The following DNAJC1 variants were observed in gnomAD, a reference collection of about 807,000 sequenced individuals.
DNAJC1 encodes dnaJ homolog subfamily C member 1.
A neutral mutation model predicts 76.6 loss-of-function variants in DNAJC1; 58 were observed. The observed-to-expected ratio is 0.76, with a 90% CI of 0.61 to 0.94. The LOEUF (loss-of-function observed/expected upper bound fraction) is 0.94. Among genes scored for constraint, DNAJC1 ranks in the 40% least tolerant of loss-of-function variants. The pLI, the probability that DNAJC1 is intolerant of heterozygous loss-of-function variation, is 0.00. For missense variants in DNAJC1, 689 were observed against 677.3 expected (o/e 1.02, Z -0.19); for synonymous variants, 258 against 267.9 (o/e 0.96, Z 0.36).
At chr10:21,770,258 G>A (rs1834356787) in intron 9 of DNAJC1, among the ~76,000 whole-genome samples, 1 of 152,106 alleles carries the variant, frequency 6.6e-6, no homozygotes, top group African/African-American at 2.4e-5. Flanking sequence ...ATTAATGACT[G>A]ATGCTGAGCA....
chr10:21,939,449 G>A (rs150735761), intron 1 of DNAJC1, among the ~76,000 whole-genome samples: 1 of 152,296 alleles, frequency 6.6e-6, no homozygotes, highest in African/African-American at 2.4e-5. Flanking sequence ...ATGATGGACT[G>A]CATATATGAT....
At chr10:21,878,561 G>A (rs925344751) in intron 8 of DNAJC1, among the ~76,000 whole-genome samples, 2 of 152,126 alleles carry the variant, frequency 1.3e-5, no homozygotes, top group African/African-American at 2.4e-5. Context: ...GGTAGTAAAT[G>A]ATAAAATACA....
intron 6 of DNAJC1, among the ~76,000 whole-genome samples, chr10:21,913,791 T>G (rs921500113): frequency 6.6e-6 from 1 of 152,172 alleles, no homozygotes; most frequent in Admixed American, 6.5e-5. Context: ...TCACGGGAGC[T>G]ATATTTTAAA....
intron 1 of DNAJC1, among the ~76,000 whole-genome samples, chr10:21,973,077 A>C (rs1838005192): frequency 6.6e-6 from 1 of 152,160 alleles, no homozygotes; most frequent in Non-Finnish European, 1.5e-5. Context: ...CCAGAAATGA[A>C]ATTAATAAAT....
chr10:21,958,363 G>A (rs185252122), intron 1 of DNAJC1, among the ~76,000 whole-genome samples: 1 of 151,468 alleles, frequency 6.6e-6, no homozygotes, highest in African/African-American at 2.4e-5. Flanking sequence ...GCAACATCAC[G>A]ATAATCTAGT....
At chr10:21,896,222 G>C (rs867523470) in intron 7 of DNAJC1, among the ~76,000 whole-genome samples, 21 of 152,126 alleles carry the variant, frequency 1.4e-4, no homozygotes, top group Admixed American at 3.9e-4. Context: ...CTTCAGCCTG[G>C]GAGAGCTTGC....
At chr10:21,970,686 A>G (rs1837963112) in intron 1 of DNAJC1, among the ~76,000 whole-genome samples, 1 of 152,034 alleles carries the variant, frequency 6.6e-6, no homozygotes, top group African/African-American at 2.4e-5. Flanking sequence ...AATGGAATAC[A>G]GAGTTGACTT....
intron 1 of DNAJC1, among the ~76,000 whole-genome samples, chr10:21,932,903 A>T (rs1016272787): frequency 2.0e-5 from 3 of 152,204 alleles, no homozygotes; most frequent in African/African-American, 7.2e-5. Context: ...CCTGGCCTAC[A>T]GGCAAATGTA....
rs71510915 is a variant in DNAJC1, at chr10:21,946,049, CTTTTTTTTTTTT to C, written c.223-16920_223-16909del. On this transcript the variant is annotated intron_variant, in intron 1 of 11. Transcript: ENST00000376980. ...ATAATTCAAATTCCTTTCTTTTCCT[CTTTTTTTTTTTT>C]TTTTTTTTTTGCTCTGTTGCCCAGG... Among the ~76,000 whole-genome samples the C allele has an allele frequency of 3.2e-3, 301 of 93,324 alleles. 10 individuals carry two copies. The East Asian group carries it at 0.045, about 14-fold the overall frequency. The allele number at this position is 93,324 out of a possible 152,430, so 61.2% of individuals were successfully genotyped here. A position where few individuals can be genotyped will look rare whatever the true frequency, so the allele number is the denominator to read the frequency against.
intron 1 of DNAJC1, among the ~76,000 whole-genome samples, chr10:21,989,162 C>T (rs1307394641): frequency 6.6e-6 from 1 of 152,100 alleles, no homozygotes; most frequent in East Asian, 1.9e-4. Flanking sequence ...AATAAACAAC[C>T]TGACCATAGT....
Position 22,003,362 on chromosome 10 carries a change from G to A in DNAJC1, c.73C>T (p.Pro25Ser). The change falls in exon 1 of 12, where the codon CCG (proline) becomes TCG (serine). Residue 25 changes from proline to serine, a missense_variant. Physicochemically the swap from Pro to Ser is moderately conservative, Grantham distance 74. Coordinates refer to ENST00000376980, the MANE Select transcript of DNAJC1 (RefSeq NM_022365.4). ...RQLGLVPFPP[P>S]PPRTPLLWLL... The stretch of plus-strand genomic sequence containing the variant: ...CACAGCAGCGGCGTCCGCGGCGGCG[G>A]CGGCGGGAACGGCACCAGCCCGAGC... 7.1e-7 allele frequency: 1 copy of A among 1,413,418 alleles called. No homozygotes were observed. Among genetic ancestry groups the A allele is most frequent in the Non-Finnish European group, 9.2e-7 (1 of 1,087,452 alleles). 87.6% of individuals were successfully genotyped at this position (1,413,418 alleles called of 1,614,324 possible).
At chr10:21,904,694 C>T (rs1303273782) in intron 6 of DNAJC1, 82 bp from the exon 7 acceptor site, 3 of 710,794 alleles carry the variant, frequency 4.2e-6, no homozygotes, top group Non-Finnish European at 6.5e-6. Flanking sequence ...AACTTTAAAG[C>T]ATTATATTCA....
chr10:21,894,530 G>A (rs1035967081), intron 7 of DNAJC1, among the ~76,000 whole-genome samples: 5 of 150,954 alleles, frequency 3.3e-5, no homozygotes, highest in Admixed American at 6.6e-5. Context: ...AAGATTGCAC[G>A]ATTGCACTCC....
chr10:21,783,739 A>G (rs570160530), intron 9 of DNAJC1, among the ~76,000 whole-genome samples: 41 of 152,342 alleles, frequency 2.7e-4, no homozygotes, highest in African/African-American at 9.9e-4. Context: ...GCCCTCAGAA[A>G]TAACACCACA....
chr10:21,823,277 T>G lies in DNAJC1; in HGVS notation c.979-17178A>C, dbSNP rs186235843. Among the ~76,000 whole-genome samples, 280 of 152,288 alleles carry G rather than the reference T, an allele frequency of 1.8e-3. 1 individual carries two copies. The highest frequency in any genetic ancestry group is 3.0e-3 in the Non-Finnish European group (205 of 68,038). ...GGCAGTAAATAACCAGATCTCCTTA[T>G]GACCAGTGGTATACATCTGTAAGAT... On this transcript the variant is annotated intron_variant, in intron 8 of 11. Transcript: ENST00000376980.
At chr10:21,891,476 C>CAAAAAAAAAAAAAAAAAAGAAAAAA (rs1836461421) in intron 7 of DNAJC1, among the ~76,000 whole-genome samples, 1 of 38,860 alleles carries the variant, frequency 2.6e-5, no homozygotes, top group African/African-American at 9.4e-5. Flanking sequence ...ACAAAGTAGA[C>CAAAAAAAAAAAAAAAAAAGAAAAAA]AAAAAAAAAA....
chr10:21,934,471 C>T (rs533953156), intron 1 of DNAJC1, among the ~76,000 whole-genome samples: 18 of 152,170 alleles, frequency 1.2e-4, no homozygotes, highest in Admixed American at 3.3e-4. Flanking sequence ...TGTCCTAGGC[C>T]TTCACATTCA....
At chr10:21,830,084 G>A (rs538001046) in intron 8 of DNAJC1, among the ~76,000 whole-genome samples, 146 of 152,188 alleles carry the variant, frequency 9.6e-4, no homozygotes, top group Non-Finnish European at 1.6e-3. Context: ...TTGCTGTCAT[G>A]TATTTTAGTT....
chr10:21,837,994 C>G (rs529374928), intron 8 of DNAJC1, among the ~76,000 whole-genome samples: 3 of 147,138 alleles, frequency 2.0e-5, no homozygotes, highest in Non-Finnish European at 4.5e-5. Flanking sequence ...CCAGCCGCCC[C>G]GGCTGGGAGG....
Sources: allele counts gnomAD v4.1 joint callset (sites outside exome capture counted in the v4.1 genomes callset), GRCh38; gene constraint gnomAD v4.1.1; transcripts MANE v1.5; gene names NCBI Gene and HGNC (gene_info 2026-07-23, HGNC 2026-07-21).